SH3PXD2A: variants seen among roughly 807,000 people sequenced by gnomAD.
SH3PXD2A encodes SH3 and PX domain-containing protein 2A.
A neutral mutation model predicts 115.2 loss-of-function variants in SH3PXD2A; 32 were observed. The observed-to-expected ratio is 0.28, with a 90% confidence interval of 0.21 to 0.37. The LOEUF is 0.37. Among genes scored for constraint, SH3PXD2A ranks in the 10% least tolerant of loss-of-function variants. The pLI, the probability that SH3PXD2A is intolerant of heterozygous loss-of-function variation, is 1.00. For missense variants in SH3PXD2A, 1,328 were observed against 1,498.7 expected (o/e 0.89, Z 1.88); for synonymous variants, 610 against 629.1 (o/e 0.97, Z 0.45).
chr10:103,643,535 A>G (rs1055250984), intron 8 of SH3PXD2A, among the ~76,000 whole-genome samples: 1 of 152,226 alleles, frequency 6.6e-6, no homozygotes, highest in Non-Finnish European at 1.5e-5. Context: ...AAGTTCAACA[A>G]GAGAGCAAGG....
rs1243001236 is a variant in SH3PXD2A at position 103,668,662 on chromosome 10, C to A, written c.428-10G>T. ...CAGCTGGACAGCCACACTTCCGAGT[C>A]CCCGAGAGCAAGCGGCAGCAGGAGA... On this transcript the variant is annotated splice_polypyrimidine_tract_variant and intron_variant, in intron 6 of 14. Coordinates refer to ENST00000369774, the MANE Select transcript of SH3PXD2A (RefSeq NM_001394015.1). 1.9e-6 allele frequency: 3 copies of A among 1,558,020 alleles called. No individual in the cohort carries two copies. The highest frequency in any genetic ancestry group is 1.4e-5 in the African/African-American group (1 of 73,072).
At chr10:103,776,162 G>A (rs1033417094) in intron 2 of SH3PXD2A, among the ~76,000 whole-genome samples, 15 of 152,162 alleles carry the variant, frequency 9.9e-5, no homozygotes, top group African/African-American at 3.4e-4. Context: ...CAAGGCAGGA[G>A]GATTGCTTAA....
intron 1 of SH3PXD2A, among the ~76,000 whole-genome samples, chr10:103,848,571 A>C (rs1292859177): frequency 6.6e-6 from 1 of 151,986 alleles, no homozygotes; most frequent in Non-Finnish European, 1.5e-5. Flanking sequence ...CTTTCCTGTC[A>C]TCCTTCTCTC....
At chr10:103,845,577 G>C (rs896164568) in intron 1 of SH3PXD2A, among the ~76,000 whole-genome samples, 3 of 152,152 alleles carry the variant, frequency 2.0e-5, no homozygotes, top group Admixed American at 6.5e-5. Context: ...ATATCATCAG[G>C]AAATAACCAT....
intron 7 of SH3PXD2A, 59 bp downstream of exon 7, chr10:103,668,549 C>T: frequency 6.9e-7 from 1 of 1,444,196 alleles, no homozygotes; most frequent in Non-Finnish European, 9.5e-7. Context: ...GCACCGGCTC[C>T]CGCGCACACG....
intron 1 of SH3PXD2A, among the ~76,000 whole-genome samples, chr10:103,820,337 G>A (rs1241118228): frequency 1.3e-5 from 2 of 152,126 alleles, no homozygotes; most frequent in African/African-American, 4.8e-5. Context: ...GACGTCATTT[G>A]CTCCCAGGTC....
chr10:103,730,232 CTTTTTTT>C (rs67561170), intron 4 of SH3PXD2A, among the ~76,000 whole-genome samples: 48 of 118,244 alleles, frequency 4.1e-4, no homozygotes, highest in African/African-American at 1.2e-3. Context: ...TTTCTCGTTT[CTTTTTTT>C]TTTTTTTTTT....
chr10:103,708,614 G>A (rs543892418), intron 5 of SH3PXD2A, among the ~76,000 whole-genome samples: 19 of 152,278 alleles, frequency 1.2e-4, no homozygotes, highest in Non-Finnish European at 2.2e-4. Context: ...TTGACACTGC[G>A]CTTGGCAGCC....
In SH3PXD2A at chr10:103,599,753, C is replaced by G. The variant is rs937739409; in HGVS notation, c.*2063G>C. Reference sequence around the variant, plus strand: ...ATATTAACATGAAGACACTAAACCACTACCATTAGTACTGCAATCTAGCAG... The same window carrying G: ...ATATTAACATGAAGACACTAAACCAGTACCATTAGTACTGCAATCTAGCAG... On this transcript the variant is annotated 3_prime_UTR_variant, in exon 15 of 15. Transcript: ENST00000369774. The G allele has an allele frequency of 6.6e-6, 1 of 152,634 alleles. No individual in the cohort carries two copies. The highest frequency in any genetic ancestry group is 2.4e-5 in the African/African-American group (1 of 41,442). The allele number at this position is 152,634 out of a possible 1,614,324, so 9.5% of individuals were successfully genotyped here. A position where few individuals can be genotyped will look rare whatever the true frequency, so the allele number is the denominator to read the frequency against.
intron 11 of SH3PXD2A, among the ~76,000 whole-genome samples, chr10:103,615,060 G>A (rs1171548398): frequency 2.6e-5 from 4 of 152,194 alleles, no homozygotes; most frequent in Non-Finnish European, 4.4e-5. Flanking sequence ...GTGGATGGAA[G>A]CAACGAGTAA....
intron 5 of SH3PXD2A, among the ~76,000 whole-genome samples, chr10:103,723,819 TCTG>T (rs1310976371): frequency 6.6e-6 from 1 of 152,198 alleles, no homozygotes; most frequent in African/African-American, 2.4e-5. Flanking sequence ...GATTATAAAA[TCTG>T]TTGTAGCAGC....
intron 8 of SH3PXD2A, among the ~76,000 whole-genome samples, chr10:103,657,843 T>C (rs2037233102): frequency 6.6e-6 from 1 of 152,190 alleles, no homozygotes; most frequent in Non-Finnish European, 1.5e-5. Flanking sequence ...TCCAGGGAGC[T>C]CTACAGCCAT....
intron 2 of SH3PXD2A, among the ~76,000 whole-genome samples, chr10:103,797,398 G>C (rs112755423): frequency 1.0e-3 from 156 of 152,152 alleles, no homozygotes; most frequent in African/African-American, 3.7e-3. Flanking sequence ...TCGGTGGCGG[G>C]GGGAGGTTCT....
At chr10:103,806,303 C>CCT (rs1236433682) in intron 1 of SH3PXD2A, among the ~76,000 whole-genome samples, 2 of 152,024 alleles carry the variant, frequency 1.3e-5, no homozygotes, top group Non-Finnish European at 2.9e-5. Context: ...TCTCCAGACC[C>CCT]CTCTCTCTCG....
chr10:103,832,756 G>C (rs941675738), intron 1 of SH3PXD2A, among the ~76,000 whole-genome samples: 3 of 152,170 alleles, frequency 2.0e-5, no homozygotes, highest in Non-Finnish European at 2.9e-5. Flanking sequence ...GGGGCAGGGT[G>C]GGGGAGGGAA....
chr10:103,825,833 A>G (rs1963713), intron 1 of SH3PXD2A, among the ~76,000 whole-genome samples: 149,512 of 149,972 alleles, frequency 1, 74,534 homozygotes, highest in Middle Eastern at 1. Flanking sequence ...GCGCAATCTC[A>G]GCTCACCGCA....
chr10:103,607,512 C>T (rs1050323067), intron 13 of SH3PXD2A, among the ~76,000 whole-genome samples: 17 of 151,240 alleles, frequency 1.1e-4, no homozygotes, highest in South Asian at 8.4e-4. Flanking sequence ...CCAGCCGCCC[C>T]GTCCGGGAGG....
intron 2 of SH3PXD2A, among the ~76,000 whole-genome samples, chr10:103,771,736 A>G (rs1239476088): frequency 1.6e-5 from 2 of 123,374 alleles, no homozygotes; most frequent in Non-Finnish European, 3.4e-5. Flanking sequence ...CTCCGTCAAA[A>G]CAACACACAC....
intron 6 of SH3PXD2A, among the ~76,000 whole-genome samples, chr10:103,670,203 G>C (rs373523588): frequency 6.6e-6 from 1 of 152,176 alleles, no homozygotes. Flanking sequence ...AATTAGCAGA[G>C]TGGGGCTTTG....
Sources: gnomAD v4.1 joint callset for allele counts (sites outside exome capture counted in the v4.1 genomes callset) on GRCh38, gnomAD v4.1.1 for gene constraint, MANE v1.5 for transcripts, NCBI Gene and HGNC (gene_info 2026-07-23, HGNC 2026-07-21) for gene names.